The following CLEC2A variants were observed in gnomAD, a reference collection of about 807,000 sequenced individuals.
The protein encoded by CLEC2A is C-type lectin domain family 2 member A.
Under a neutral mutation model 18.6 loss-of-function variants are expected in CLEC2A, and 19 were observed. That is an observed-to-expected ratio of 1.02 (90% CI 0.71 to 1.50). CLEC2A has a LOEUF of 1.50. Among genes scored for constraint, CLEC2A ranks in the 40% most tolerant of loss-of-function variants. The pLI is 0.00. For missense variants in CLEC2A, 190 were observed against 207.9 expected, an observed-to-expected ratio of 0.91 and a Z score of 0.53; for synonymous variants, 74 against 64.0, an observed-to-expected ratio of 1.16 and a Z score of -0.75.
the CLEC2A span, among the ~76,000 whole-genome samples, chr12:9,889,885 A>G: frequency 1.3e-5 from 2 of 152,098 alleles, no homozygotes; most frequent in East Asian, 3.9e-4. Flanking sequence ...ATGTACCTCA[A>G]TTTCTTCATC....
At chr12:9,883,997 T>C in the CLEC2A span, among the ~76,000 whole-genome samples, 94 of 152,194 alleles carry the variant, frequency 6.2e-4, no homozygotes, top group African/African-American at 2.2e-3. Flanking sequence ...TATCTCAAAT[T>C]ACTTTGCTTT....
chr12:9,895,791 G>C, downstream of CLEC2A: 1 of 1,535,558 alleles, frequency 6.5e-7, no homozygotes, highest in Non-Finnish European at 8.7e-7. Flanking sequence ...GCATTTGCCA[G>C]AGAGATGCGA....
chr12:9,916,153 C>T (rs528499786), intron 4 of CLEC2A, among the ~76,000 whole-genome samples: 2 of 151,800 alleles, frequency 1.3e-5, no homozygotes, highest in Admixed American at 6.6e-5. Flanking sequence ...CAATCCTCAA[C>T]CATTTTAACC....
chr12:9,899,000 G>T (rs1189151422), intron 4 of CLEC2A: 1 of 708,960 alleles, frequency 1.4e-6, no homozygotes, highest in South Asian at 1.5e-5. Context: ...CAGACAAACC[G>T]GATTATTAGA....
chr12:9,931,922 C>G (rs1863381438), intron 1 of CLEC2A, among the ~76,000 whole-genome samples: 1 of 152,184 alleles, frequency 6.6e-6, no homozygotes, highest in African/African-American at 2.4e-5. Flanking sequence ...CTTATGAAGT[C>G]ACAATCATCA....
intron 1 of CLEC2A, among the ~76,000 whole-genome samples, chr12:9,926,595 G>A (rs1038908273): frequency 6.6e-6 from 1 of 152,114 alleles, no homozygotes; most frequent in Non-Finnish European, 1.5e-5. Flanking sequence ...AATGAGGAAG[G>A]AAAGGAAAGG....
intron 1 of CLEC2A, 74 bp downstream of exon 1, chr12:9,932,201 C>G: frequency 3.8e-6 from 4 of 1,063,398 alleles, no homozygotes; most frequent in Non-Finnish European, 5.7e-6. Flanking sequence ...AGTAAAGAGT[C>G]CATATTTTTA....
downstream of CLEC2A, among the ~76,000 whole-genome samples, chr12:9,911,135 C>A (rs1304956377): frequency 6.6e-6 from 1 of 152,164 alleles, no homozygotes. Context: ...TCCTGATTGG[C>A]TAAACACTTA....
chr12:9,901,712 A>C (rs1031839448), intron 4 of CLEC2A, among the ~76,000 whole-genome samples: 2 of 151,710 alleles, frequency 1.3e-5, no homozygotes, highest in South Asian at 4.2e-4. Context: ...AAATATGTTC[A>C]AGATTTAAAA....
chr12:9,901,087 A>C (rs2137013612), intron 4 of CLEC2A, among the ~76,000 whole-genome samples: 1 of 152,342 alleles, frequency 6.6e-6, no homozygotes, highest in African/African-American at 2.4e-5. Flanking sequence ...TGCAAAACAA[A>C]ACAAGGATCA....
the CLEC2A span, chr12:9,888,785 T>C: frequency 1.3e-6 from 2 of 1,493,218 alleles, no homozygotes; most frequent in East Asian, 2.5e-5. Context: ...TATCAGGTAA[T>C]ACTCTTTTTG....
intron 4 of CLEC2A, among the ~76,000 whole-genome samples, chr12:9,900,949 CAGAT>C (rs1436945353): frequency 6.6e-6 from 1 of 152,090 alleles, no homozygotes; most frequent in Admixed American, 6.5e-5. Flanking sequence ...AGAACACTCA[CAGAT>C]AGTTTCCAAA....
chr12:9,890,742 C>G, the CLEC2A span, among the ~76,000 whole-genome samples: 1 of 152,146 alleles, frequency 6.6e-6, no homozygotes, highest in African/African-American at 2.4e-5. Context: ...CGTCATCTTG[C>G]TGTCTAACAT....
At chr12:9,892,945 G>T in the CLEC2A span, 1 of 1,191,490 alleles carries the variant, frequency 8.4e-7, no homozygotes, top group Non-Finnish European at 1.1e-6. Flanking sequence ...TTTCCAAGTA[G>T]TCACATTTGA....
chr12:9,916,180 C>A (rs906054939), intron 4 of CLEC2A, among the ~76,000 whole-genome samples: 1 of 151,870 alleles, frequency 6.6e-6, no homozygotes, highest in Non-Finnish European at 1.5e-5. Flanking sequence ...ACACTTTTAA[C>A]AATTTTAACC....
chr12:9,920,289 T>C (rs1863147071), intron 3 of CLEC2A, among the ~76,000 whole-genome samples: 1 of 152,172 alleles, frequency 6.6e-6, no homozygotes, highest in South Asian at 2.1e-4. Context: ...CTGGGAAGCC[T>C]GGAACTCCTG....
At chr12:9,890,917 T>C in the CLEC2A span, among the ~76,000 whole-genome samples, 1 of 152,212 alleles carries the variant, frequency 6.6e-6, no homozygotes, top group Non-Finnish European at 1.5e-5. Flanking sequence ...TAATATCCTC[T>C]AATAGTCAGC....
chr12:9,898,854 G>C (rs780341052), exon 5 of CLEC2A: 2 of 703,938 alleles, frequency 2.8e-6, no homozygotes, highest in Non-Finnish European at 5.2e-6. Flanking sequence ...GCTTCCTGCT[G>C]ACAGGGGACA....
the CLEC2A span, chr12:9,888,667 C>T: frequency 8.9e-6 from 8 of 899,646 alleles, no homozygotes; most frequent in Non-Finnish European, 1.2e-5. Context: ...GTACTTTATT[C>T]TCATGTACCT....
Sources: gnomAD v4.1 joint callset for allele counts (sites outside exome capture counted in the v4.1 genomes callset) on GRCh38, gnomAD v4.1.1 for gene constraint, MANE v1.5 for transcripts, NCBI Gene and HGNC (gene_info 2026-07-23, HGNC 2026-07-21) for gene names.